The following SGK3 variants were observed in gnomAD, a reference collection of about 807,000 sequenced individuals.
The protein encoded by SGK3 is serum/glucocorticoid regulated kinase family member 3.
A neutral mutation model predicts 68.5 loss-of-function variants in SGK3; 47 were observed. That is an observed-to-expected ratio of 0.69 (90% CI 0.54 to 0.87). The LOEUF (loss-of-function observed/expected upper bound fraction) is 0.87. SGK3 is among the 40% of genes least tolerant of loss of function. The probability of loss-of-function intolerance (pLI) is 0.00; values close to 1 mark genes in which losing one functional copy is unlikely to be tolerated. For synonymous variants in SGK3, 181 were observed against 189.1 expected, an observed-to-expected ratio of 0.96 and a Z score of 0.35; for missense variants, 479 against 575.5, an observed-to-expected ratio of 0.83 and a Z score of 1.72.
intron 1 of SGK3, among the ~76,000 whole-genome samples, chr8:66,767,079 A>G (rs1806342110): frequency 6.6e-6 from 1 of 152,198 alleles, no homozygotes; most frequent in Non-Finnish European, 1.5e-5. Flanking sequence ...TCCCGACCTC[A>G]GGTGATCCGC....
At chr8:66,737,425 T>A (rs1383438840) in intron 1 of SGK3, 1 of 152,048 alleles carries the variant, frequency 6.6e-6, no homozygotes, top group Non-Finnish European at 1.5e-5. Context: ...TCTTTAAAGA[T>A]GACTCCTGAT....
intron 1 of SGK3, chr8:66,768,130 G>A: frequency 5.1e-6 from 2 of 393,538 alleles, no homozygotes; most frequent in Middle Eastern, 5.7e-4. Flanking sequence ...ATCTTACAAT[G>A]GTATACTTCC....
At chr8:66,801,477 G>A (rs986210119) in intron 3 of SGK3, among the ~76,000 whole-genome samples, 2 of 152,066 alleles carry the variant, frequency 1.3e-5, no homozygotes, top group Non-Finnish European at 2.9e-5. Flanking sequence ...CTGAGTTTGG[G>A]TTGCAATGTT....
intron 4 of SGK3, among the ~76,000 whole-genome samples, chr8:66,807,025 A>G (rs904625922): frequency 6.6e-6 from 1 of 152,148 alleles, no homozygotes; most frequent in Admixed American, 6.5e-5. Context: ...GGCACAGCAG[A>G]GGAGAGACTG....
intron 14 of SGK3, among the ~76,000 whole-genome samples, chr8:66,846,480 G>A (rs1056103688): frequency 2.0e-5 from 3 of 151,878 alleles, no homozygotes; most frequent in Non-Finnish European, 4.4e-5. Context: ...ATGCCCAGCT[G>A]GTTTTTTATT....
At position 66,861,308 on chromosome 8, in the gene SGK3, G is replaced by C. The variant is rs1810738147; in HGVS notation, c.*1727G>C. On this transcript the variant is annotated 3_prime_UTR_variant, in exon 17 of 17. Transcript: ENST00000521198. ...CCAACTAACTTACATGCTTATAAAA[G>C]TAAAGGAGAATAACTGGCCGGGCAC... 1 of 151,478 alleles carries C rather than the reference G, an allele frequency of 6.6e-6. No individual in the cohort carries two copies. Among genetic ancestry groups the C allele is most frequent in the East Asian group, 2.0e-4 (1 of 5,086 alleles). The allele number at this position is 151,478 out of a possible 1,614,324, so 9.4% of individuals were successfully genotyped here.
intron 2 of SGK3, 40 bp downstream of exon 2, chr8:66,793,872 T>A (rs772027552): frequency 6.3e-7 from 1 of 1,589,402 alleles, no homozygotes; most frequent in Non-Finnish European, 8.6e-7. Flanking sequence ...AAAAGTTGAA[T>A]GTAGAGAATA....
intron 5 of SGK3, among the ~76,000 whole-genome samples, chr8:66,814,422 T>C (rs1488769759): frequency 6.6e-6 from 1 of 152,010 alleles, no homozygotes; most frequent in Non-Finnish European, 1.5e-5. Context: ...CTTGAGGAGG[T>C]AAGGAAGGCT....
intron 1 of SGK3, among the ~76,000 whole-genome samples, chr8:66,716,883 C>T (rs927511339): frequency 2.6e-5 from 4 of 152,030 alleles, no homozygotes; most frequent in African/African-American, 4.8e-5. Flanking sequence ...AGCCACTAAG[C>T]GAGCTTGTTG....
In SGK3 at chr8:66,815,411, A is replaced by G. The variant is rs78234483; in HGVS notation, c.329+1483A>G. Among the ~76,000 whole-genome samples the G allele has an allele frequency of 2.4e-3, 360 of 152,298 alleles. 1 individual carries two copies. The highest frequency in any genetic ancestry group is 8.4e-3 in the African/African-American group (351 of 41,558). ...AGAAGGGCATGAAATTTGGTAGGAT[A>G]CTTGAACTCACAGTTCCCTTGTCTA... is the stretch of plus-strand genomic sequence containing the variant. On this transcript the variant is annotated intron_variant, in intron 5 of 16. Transcript: ENST00000521198.
intron 1 of SGK3, among the ~76,000 whole-genome samples, chr8:66,717,913 G>T: frequency 6.6e-6 from 1 of 152,144 alleles, no homozygotes; most frequent in East Asian, 1.9e-4. Flanking sequence ...TATTGGCCAG[G>T]CAGGTCTCGA....
intron 5 of SGK3, among the ~76,000 whole-genome samples, chr8:66,816,302 A>G (rs1808576469): frequency 1.4e-5 from 2 of 146,694 alleles, no homozygotes; most frequent in African/African-American, 5.1e-5. Context: ...TAATTTTTTA[A>G]CTGGCATTTT....
intron 1 of SGK3, among the ~76,000 whole-genome samples, chr8:66,733,090 G>A (rs546491651): frequency 2.0e-5 from 3 of 152,178 alleles, no homozygotes; most frequent in East Asian, 1.9e-4. Flanking sequence ...GAATCATTTC[G>A]GTATTATTGG....
At position 66,726,105 on chromosome 8, in the gene SGK3, GA is replaced by G. The variant is rs1251699618; in HGVS notation, c.-122+13273del. Reference sequence around the variant, plus strand: ...TAAGCCAAATATTTTCTTTCATCAGGATTTTTGTAGTTTTTATCATGTATGA... The same window carrying G: ...TAAGCCAAATATTTTCTTTCATCAGGTTTTTGTAGTTTTTATCATGTATGA... On this transcript the variant is annotated intron_variant, in intron 1 of 16. Coordinates refer to ENST00000521198, the MANE Select transcript of SGK3 (RefSeq NM_001033578.3). Among the ~76,000 whole-genome samples, 3 of 152,140 alleles carry G rather than the reference GA, an allele frequency of 2.0e-5. No homozygotes were observed. The East Asian group carries it at 5.8e-4, about 29-fold the overall frequency.
intron 3 of SGK3, among the ~76,000 whole-genome samples, chr8:66,800,379 C>A (rs368287088): frequency 2.9e-5 from 3 of 102,362 alleles, no homozygotes; most frequent in Admixed American, 1.0e-4. Context: ...TTTTTCATTT[C>A]TTTTTTTTTT....
Position 66,840,086 on chromosome 8 carries a change from T to G in SGK3, c.825T>G (p.Gly275=). The change falls in exon 11 of 17, where the codon GGT becomes GGG. Residue 275 remains glycine (G), a synonymous_variant. Transcript: ENST00000521198. The part of the protein sequence containing the change: ...FYAAEIASAL[G]YLHSIKIVYR... ...CTGCTGAAATTGCTAGTGCATTGGG[T>G]TACTTACATTCCATCAAAATAGTAT... 1 of 1,614,080 alleles carries G rather than the reference T, an allele frequency of 6.2e-7. No individual in the cohort carries two copies. Among genetic ancestry groups the G allele is most frequent in the Non-Finnish European group, 8.5e-7 (1 of 1,179,984 alleles).
At chr8:66,833,118 G>T (rs1306609835) in intron 8 of SGK3, among the ~76,000 whole-genome samples, 5 of 151,902 alleles carry the variant, frequency 3.3e-5, no homozygotes, top group African/African-American at 4.8e-5. Flanking sequence ...CAATTCTCCT[G>T]CCTCAGCCTT....
chr8:66,748,061 A>G (rs113648825), intron 1 of SGK3, among the ~76,000 whole-genome samples: 3,694 of 152,220 alleles, frequency 0.024, 84 homozygotes, highest in South Asian at 0.054. Context: ...TTGGGATTAC[A>G]TGAGGTAATG....
intron 2 of SGK3, among the ~76,000 whole-genome samples, chr8:66,797,104 T>C (rs1301516725): frequency 2.0e-5 from 3 of 152,252 alleles, no homozygotes; most frequent in Non-Finnish European, 2.9e-5. Flanking sequence ...ATATATTTGC[T>C]GCAGAGCTTC....
Sources: gnomAD v4.1 joint callset for allele counts (sites outside exome capture counted in the v4.1 genomes callset) on GRCh38, gnomAD v4.1.1 for gene constraint, MANE v1.5 for transcripts, NCBI Gene and HGNC (gene_info 2026-07-23, HGNC 2026-07-21) for gene names.